WDR24: variants seen among roughly 807,000 people sequenced by gnomAD.
WDR24 encodes the protein WD repeat domain 24, also known as GATOR2 complex protein WDR24.
Under a neutral mutation model 66.7 loss-of-function variants are expected in WDR24, and 32 were observed. The observed-to-expected ratio is 0.48, with a 90% CI of 0.36 to 0.64. The LOEUF is 0.64. WDR24 is among the 30% of genes least tolerant of loss of function. The pLI is 0.00. For synonymous variants in WDR24, 565 were observed against 469.1 expected (o/e 1.20, Z -2.64); for missense variants, 978 against 1,144.1 (o/e 0.85, Z 2.09).
rs758502471 is a variant in WDR24, at chr16:687,435, C to A, written c.660-19G>T. On this transcript the variant is annotated intron_variant, in intron 2 of 8. Transcript: ENST00000293883. ...CCAGCCCCTGTGGGAAGAAGGTCCA[C>A]CCAAACCCTCAGTGGCCTTTCCTGC... The A allele has an allele frequency of 1.9e-6, 3 of 1,576,268 alleles. No individual in the cohort carries two copies. The highest frequency in any genetic ancestry group is 1.7e-5 in the Admixed American group (1 of 57,724).
chr16:687,187 G>T lies in WDR24; in HGVS notation c.889C>A (p.Arg297=). 6.2e-7 allele frequency: 1 copy of T among 1,612,706 alleles called. No homozygotes were observed. Among genetic ancestry groups the T allele is most frequent in the Non-Finnish European group, 8.5e-7 (1 of 1,179,984 alleles). The change falls in exon 3 of 9, where the codon CGA becomes AGA. Residue 297 remains arginine (R), a synonymous_variant. Coordinates refer to ENST00000293883, the MANE Select transcript of WDR24 (RefSeq NM_032259.4). ...FVPAAMFEEH[R]DVTTGIAWRH... is the part of the protein sequence containing the mutation. ...CAGGCAATTCCCGTGGTGACGTCTC[G>T]GTGTTCCTCAAACATGGCAGCTGGC...
chr16:685,099 C>T lies in WDR24; in HGVS notation c.2097G>A (p.Leu699=), dbSNP rs1390676565. The change falls in exon 8 of 9, where the codon CTG becomes CTA. Residue 699 remains leucine (L), a synonymous_variant. Transcript: ENST00000293883. ...LWNVSNEVVK[L]STSRAVSCLN... ...GGCAGCTGACGGCGCGGCTGGTGCT[C>T]AGCTTGACCACCTCGTTGGACACGT... is the stretch of plus-strand genomic sequence containing the variant. The T allele has an allele frequency of 5.1e-6, 8 of 1,556,170 alleles. No individual in the cohort carries two copies. The highest frequency in any genetic ancestry group is 1.4e-5 in the African/African-American group (1 of 73,352).
intron 3 of WDR24, 105 bp from the exon 4 acceptor site, chr16:686,291 C>T: frequency 7.6e-7 from 1 of 1,323,312 alleles, no homozygotes; most frequent in South Asian, 1.4e-5. Flanking sequence ...CAGCTGCCCT[C>T]AGTACCCAAT....
chr16:690,017 A>G lies in WDR24; in HGVS notation c.-377T>C. On this transcript the variant is annotated 5_prime_UTR_variant, in exon 1 of 9. Coordinates refer to ENST00000293883, the MANE Select transcript of WDR24 (RefSeq NM_032259.4). Reference sequence around the variant, plus strand: ...CTGGGCAGTCACTAAACGCTCGGTCAGTCAATCCCAGCAGGGGAGCGAGGA... The same window carrying G: ...CTGGGCAGTCACTAAACGCTCGGTCGGTCAATCCCAGCAGGGGAGCGAGGA... The G allele has an allele frequency of 1.4e-5, 7 of 494,562 alleles. No homozygotes were observed. The highest frequency in any genetic ancestry group is 2.8e-5 in the Non-Finnish European group (7 of 252,092). 30.6% of individuals were successfully genotyped at this position (494,562 alleles called of 1,614,324 possible).
intron 8 of WDR24, 44 bp from the exon 9 acceptor site, chr16:684,946 C>A: frequency 6.5e-7 from 1 of 1,536,306 alleles, no homozygotes; most frequent in Non-Finnish European, 8.7e-7. Context: ...GGGGCTGCTG[C>A]GCTGCCTGCA....
chr16:688,597 C>G (rs1429642081), intron 1 of WDR24, among the ~76,000 whole-genome samples: 1 of 152,230 alleles, frequency 6.6e-6, no homozygotes, highest in Non-Finnish European at 1.5e-5. Flanking sequence ...CTGCCAGGAT[C>G]TGTCTTAAGT....
rs1202304239 is a variant in WDR24, at chr16:690,165, A to G, written c.-525T>C. 2.4e-6 allele frequency: 1 copy of G among 417,070 alleles called. No homozygotes were observed. Among genetic ancestry groups the G allele is most frequent in the Non-Finnish European group, 4.8e-6 (1 of 208,732 alleles). 25.8% of individuals were successfully genotyped at this position (417,070 alleles called of 1,614,324 possible). A position where few individuals can be genotyped will look rare whatever the true frequency, so the allele number is the denominator to read the frequency against. Reference sequence around the variant, plus strand: ...CAGGCGATAGACGCGGGAAGGGCCCAGAGGGACGTCAAGGACCGAGCTACT... The same window carrying G: ...CAGGCGATAGACGCGGGAAGGGCCCGGAGGGACGTCAAGGACCGAGCTACT... On this transcript the variant is annotated 5_prime_UTR_variant, in exon 1 of 9. Transcript: ENST00000293883.
rs1432806144 is a variant in WDR24 at position 689,305 on chromosome 16, CT to C, written c.335del (p.Gln112ArgfsTer12). 2 of 1,613,908 alleles carry C rather than the reference CT, an allele frequency of 1.2e-6. No homozygotes were observed. The highest frequency in any genetic ancestry group is 1.7e-6 in the Non-Finnish European group (2 of 1,180,026). ...WNLGRPSRNK[Q>X]DQLFTEHKRT... ...GCTTGTGTTCTGTGAACAGCTGGTC[CT>C]GCTTGTTGCGGGATGGCCGGCCCAG... On this transcript the variant is annotated frameshift_variant, in exon 1 of 9. Transcript: ENST00000293883. LOFTEE classifies it high-confidence loss of function.
In WDR24 at chr16:689,462, A is replaced by G. The variant is rs1224899906; in HGVS notation, c.179T>C (p.Val60Ala). The G allele has an allele frequency of 6.2e-7, 1 of 1,613,580 alleles. No homozygotes were observed. Among genetic ancestry groups the G allele is most frequent in the Non-Finnish European group, 8.5e-7 (1 of 1,180,032 alleles). ...CCCCACACGCAGGTTCAGCTTTTCC[A>G]CGAACTGTTCCTCCTCGATGGCATA... ...KIYAIEEEQF[V>A]EKLNLRVGRK... Residue 60 changes from valine (V) to alanine (A), a missense_variant, in exon 1 of 9, where the codon GTG becomes GCG. Around this residue, in one of 2 missense-constraint regions of WDR24, gnomAD observed 302 missense variants for 526.6 expected, o/e 0.57. Transcript: ENST00000293883.
chr16:688,705 C>T (rs527823669), intron 1 of WDR24, among the ~76,000 whole-genome samples: 3 of 152,230 alleles, frequency 2.0e-5, no homozygotes, highest in Non-Finnish European at 4.4e-5. Context: ...GGGCAGCCAT[C>T]GGGGAGCTGG....
rs144697643 is a variant in WDR24 at position 685,376 on chromosome 16, C to T, written c.1900G>A (p.Gly634Ser). Residue 634 changes from glycine to serine, a missense_variant, in exon 7 of 9, where the codon GGC becomes AGC. This residue lies in a region of WDR24 where 676 missense variants were observed against 617.5 expected (regional missense o/e 1.09). Coordinates refer to ENST00000293883, the MANE Select transcript of WDR24 (RefSeq NM_032259.4). Reference protein sequence around the residue: ...YDSRLPPDFFGVLVRDMLHFY... With the variant: ...YDSRLPPDFFSVLVRDMLHFY... Reference sequence around the variant, plus strand: ...TGCAGCATGTCGCGCACCAGCACGCCGAAGAAGTCGGGCGGCAGGCGGCTG... The same window carrying T: ...TGCAGCATGTCGCGCACCAGCACGCTGAAGAAGTCGGGCGGCAGGCGGCTG... 1.1e-5 allele frequency: 18 copies of T among 1,612,310 alleles called. No individual in the cohort carries two copies. Among genetic ancestry groups the T allele is most frequent in the East Asian group, 6.7e-5 (3 of 44,880 alleles).
At position 685,334 on chromosome 16, in the gene WDR24, C is replaced by G; in HGVS notation, c.1942G>C (p.Gly648Arg). Reference sequence around the variant, plus strand: ...ACAGACACAGCCATCTGCACGTCGCCCTGCTCAGCGTAGAAGTGCAGCATG... The same window carrying G: ...ACAGACACAGCCATCTGCACGTCGCGCTGCTCAGCGTAGAAGTGCAGCATG... ...RDMLHFYAEQ[G>R]DVQMAVSVLI... The change falls in exon 7 of 9, where the codon GGC becomes CGC. Residue 648 changes from glycine (G) to arginine (R), a missense_variant. Around this residue, in one of 2 missense-constraint regions of WDR24, gnomAD observed 676 missense variants for 617.5 expected, o/e 1.09. Transcript: ENST00000293883. 1 of 1,609,418 alleles carries G rather than the reference C, an allele frequency of 6.2e-7. No homozygotes were observed. Among genetic ancestry groups the G allele is most frequent in the Non-Finnish European group, 8.5e-7 (1 of 1,179,470 alleles).
rs2039883188 is a variant in WDR24 at position 685,428 on chromosome 16, G to A, written c.1848C>T (p.Leu616=). Residue 616 remains leucine (L), a synonymous_variant, in exon 7 of 9, where the codon CTC becomes CTT. Transcript: ENST00000293883. ...CGTAGAGCGCGTGTGAGACAGACAG[G>A]AGCGAGAAGGAGGAGTCCACGGGGG... ...SLAPVDSSFS[L]LSVSHALYDS... 1.9e-6 allele frequency: 3 copies of A among 1,611,640 alleles called. No individual in the cohort carries two copies. The highest frequency in any genetic ancestry group is 1.3e-5 in the African/African-American group (1 of 75,052).
chr16:685,320 C>T lies in WDR24; in HGVS notation c.1956G>A (p.Met652Ile), dbSNP rs1375579220. 2.5e-6 allele frequency: 4 copies of T among 1,606,410 alleles called. No individual in the cohort carries two copies. Among genetic ancestry groups the T allele is most frequent in the Non-Finnish European group, 2.5e-6 (3 of 1,178,098 alleles). ...CCAGGACGATGAGCACAGACACAGC[C>T]ATCTGCACGTCGCCCTGCTCAGCGT... is the stretch of plus-strand genomic sequence containing the variant. ...HFYAEQGDVQ[M>I]AVSVLIVLGE... The change falls in exon 7 of 9, where the codon ATG becomes ATA. Residue 652 changes from methionine (M) to isoleucine (I), a missense_variant. This residue lies in a region of WDR24 where 676 missense variants were observed against 617.5 expected (regional missense o/e 1.09). Coordinates refer to ENST00000293883, the MANE Select transcript of WDR24 (RefSeq NM_032259.4).
At position 685,155 on chromosome 16, in the gene WDR24, T is replaced by C; in HGVS notation, c.2041A>G (p.Ile681Val). ...AGGCGGAAGCGCTGCAGCAGGTCGATGTAGGAAGTGTACCAGTGCTCCTGG... is the reference window on the plus strand; with the variant it reads ...AGGCGGAAGCGCTGCAGCAGGTCGACGTAGGAAGTGTACCAGTGCTCCTGG... ...QTQEHWYTSY[I>V]DLLQRFRLWN... Residue 681 changes from isoleucine to valine, a missense_variant, in exon 8 of 9, where the codon ATC (isoleucine) becomes GTC (valine). Ile to Val is a conservative substitution (Grantham distance 29). Around this residue, in one of 2 missense-constraint regions of WDR24, gnomAD observed 676 missense variants for 617.5 expected, o/e 1.09. Transcript: ENST00000293883. 1 of 1,577,074 alleles carries C rather than the reference T, an allele frequency of 6.3e-7. No individual in the cohort carries two copies. Among genetic ancestry groups the C allele is most frequent in the Non-Finnish European group, 8.6e-7 (1 of 1,162,636 alleles).
chr16:687,053 C>G lies in WDR24; in HGVS notation c.1023G>C (p.Glu341Asp). Reference protein sequence around the residue: ...ASQPVERANPEGLCYGLFGDL... With the variant: ...ASQPVERANPDGLCYGLFGDL... ...CCCCGAAGAGGCCGTAGCAGAGGCC[C>G]TCAGGGTTGGCGCGCTCGACGGGCT... Residue 341 changes from glutamate to aspartate, a missense_variant, in exon 3 of 9, where the codon GAG becomes GAC. Physicochemically the swap from Glu to Asp is conservative, Grantham distance 45. Transcript: ENST00000293883. The G allele has an allele frequency of 6.2e-7, 1 of 1,604,850 alleles. No individual in the cohort carries two copies. The highest frequency in any genetic ancestry group is 8.5e-7 in the Non-Finnish European group (1 of 1,179,116).
chr16:686,634 T>G, intron 3 of WDR24, 110 bp downstream of exon 3: 1 of 1,346,236 alleles, frequency 7.4e-7, no homozygotes, highest in Non-Finnish European at 1.0e-6. Flanking sequence ...TTGGTGCGAC[T>G]GGCTGGAGTC....
Position 687,476 on chromosome 16 carries a change from C to G in WDR24, c.660-60G>C, listed in dbSNP as rs912066462. ...CCTTTCCTGCAGAGAGGGGACCCCC[C>G]CGCTCTGCTGCTCCGGACTGTCTCA... On this transcript the variant is annotated intron_variant, in intron 2 of 8. Transcript: ENST00000293883. The G allele has an allele frequency of 1.3e-5, 20 of 1,575,980 alleles. No homozygotes were observed. The East Asian group carries it at 4.5e-4, about 35-fold the overall frequency.
Position 685,441 on chromosome 16 carries a change from G to A in WDR24, c.1835C>T (p.Ser612Phe), listed in dbSNP as rs533615007. 6 of 1,608,942 alleles carry A rather than the reference G, an allele frequency of 3.7e-6. No individual in the cohort carries two copies. Among genetic ancestry groups the A allele is most frequent in the Non-Finnish European group, 5.1e-6 (6 of 1,176,814 alleles). The change falls in exon 7 of 9, where the codon TCC becomes TTC. Residue 612 changes from serine (S) to phenylalanine (F), a missense_variant. By Grantham distance (155) the Ser-to-Phe change is radical. This residue lies in a region of WDR24 where 676 missense variants were observed against 617.5 expected (regional missense o/e 1.09). Coordinates refer to ENST00000293883, the MANE Select transcript of WDR24 (RefSeq NM_032259.4). The part of the protein sequence containing the change: ...ADVASLAPVD[S>F]SFSLLSVSHA... ...TGAGACAGACAGGAGCGAGAAGGAG[G>A]AGTCCACGGGGGCCAGGGAGGCCAC...
Sources: allele counts gnomAD v4.1 joint callset (sites outside exome capture counted in the v4.1 genomes callset), GRCh38; gene constraint gnomAD v4.1.1; regional missense constraint gnomAD v4.1.1; transcripts MANE v1.5; gene names NCBI Gene and HGNC (gene_info 2026-07-23, HGNC 2026-07-21).